The following CHST8 variants were observed in gnomAD, a reference collection of about 807,000 sequenced individuals.
The protein encoded by CHST8 is GALNAC-4-ST1.
Under a neutral mutation model 15.0 loss-of-function variants are expected in CHST8, and 10 were observed. That is an observed-to-expected ratio of 0.67 (90% confidence interval 0.41 to 1.13). The LOEUF (loss-of-function observed/expected upper bound fraction) is 1.13, where lower values mean the gene tolerates loss of function less well. Among genes scored for constraint, CHST8 ranks in the 50% most tolerant of loss-of-function variants. The pLI, the probability that CHST8 is intolerant of heterozygous loss-of-function variation, is 0.00. For missense variants in CHST8, 634 were observed against 608.2 expected, an observed-to-expected ratio of 1.04 and a Z score of -0.45; for synonymous variants, 259 against 256.6, an observed-to-expected ratio of 1.01 and a Z score of -0.09.
rs746197515 is a variant in CHST8 at position 33,627,114 on chromosome 19, G to A, written c.-164+4818G>A. Among the ~76,000 whole-genome samples, 302 of 92,676 alleles carry A rather than the reference G, an allele frequency of 3.3e-3. 2 individuals are homozygous for A. The highest frequency in any genetic ancestry group is 0.011 in the Middle Eastern group (1 of 94). 60.8% of individuals were successfully genotyped at this position (92,676 alleles called of 152,430 possible). A position where few individuals can be genotyped will look rare whatever the true frequency, so the allele number is the denominator to read the frequency against. Reference sequence around the variant, plus strand: ...CTCTTTTTTTGGGGGGGGGGCGGGTGGGGTGACGGAGTCTCGCTCTGTTAC... The same window carrying A: ...CTCTTTTTTTGGGGGGGGGGCGGGTAGGGTGACGGAGTCTCGCTCTGTTAC... On this transcript the variant is annotated intron_variant, in intron 1 of 4. Transcript: ENST00000650847.
At chr19:33,758,037 G>A (rs150859804) in intron 3 of CHST8, among the ~76,000 whole-genome samples, 3,130 of 151,988 alleles carry the variant, frequency 0.021, 54 homozygotes, top group East Asian at 0.028. Flanking sequence ...GGGAAGAGCC[G>A]GACTGACGGC....
At chr19:33,757,816 C>G (rs910905710) in intron 3 of CHST8, among the ~76,000 whole-genome samples, 1 of 152,028 alleles carries the variant, frequency 6.6e-6, no homozygotes, top group South Asian at 2.1e-4. Context: ...CCCAGCCTCC[C>G]GAGTAGCTGG....
chr19:33,773,016 G>T lies in CHST8; in HGVS notation c.1228G>T (p.Asp410Tyr). 1 of 1,612,026 alleles carries T rather than the reference G, an allele frequency of 6.2e-7. No individual in the cohort carries two copies. Among genetic ancestry groups the T allele is most frequent in the Non-Finnish European group, 8.5e-7 (1 of 1,179,972 alleles). ...RQRTYDFYYMDYLMFNYSKPF... is the reference protein window; with the variant it reads ...RQRTYDFYYMYYLMFNYSKPF... ...GCGCACCTACGACTTCTACTACATGGATTACCTGATGTTCAACTATTCCAA... is the reference window on the plus strand; with the variant it reads ...GCGCACCTACGACTTCTACTACATGTATTACCTGATGTTCAACTATTCCAA... The change falls in exon 5 of 5, where the codon GAT (aspartate) becomes TAT (tyrosine). Residue 410 changes from aspartate (D) to tyrosine (Y), a missense_variant. Asp to Tyr is a radical substitution (Grantham distance 160, BLOSUM62 -3). Coordinates refer to ENST00000650847, the MANE Select transcript of CHST8 (RefSeq NM_001127895.2).
At chr19:33,739,270 C>T (rs1974142142) in intron 3 of CHST8, among the ~76,000 whole-genome samples, 1 of 152,132 alleles carries the variant, frequency 6.6e-6, no homozygotes, top group African/African-American at 2.4e-5. Context: ...CTCCCCCCTC[C>T]TCCACAAGAT....
intron 3 of CHST8, among the ~76,000 whole-genome samples, chr19:33,721,717 G>A (rs1973794922): frequency 6.6e-6 from 1 of 151,992 alleles, no homozygotes; most frequent in Non-Finnish European, 1.5e-5. Flanking sequence ...TGGAGGGAAG[G>A]GTGGATGGAT....
intron 3 of CHST8, among the ~76,000 whole-genome samples, chr19:33,712,683 G>A (rs78774664): frequency 0.029 from 4,389 of 152,230 alleles, 148 homozygotes; most frequent in African/African-American, 0.081. Flanking sequence ...GCCTTGCACT[G>A]CAGCGGCAGA....
intron 3 of CHST8, among the ~76,000 whole-genome samples, chr19:33,713,750 A>G (rs111894680): frequency 0.022 from 3,279 of 152,160 alleles, 65 homozygotes; most frequent in African/African-American, 0.055. Flanking sequence ...TAGTAGCGAC[A>G]GGGTTTCACC....
intron 1 of CHST8, among the ~76,000 whole-genome samples, chr19:33,655,716 T>C (rs1485785800): frequency 1.3e-5 from 2 of 152,206 alleles, no homozygotes; most frequent in Non-Finnish European, 2.9e-5. Flanking sequence ...TTCTTATATT[T>C]TTATAAATTT....
At chr19:33,697,105 A>G (rs1161748191) in intron 3 of CHST8, among the ~76,000 whole-genome samples, 2 of 152,006 alleles carry the variant, frequency 1.3e-5, no homozygotes, top group South Asian at 4.2e-4. Context: ...AGCCTCCCAA[A>G]GTGCTGGGAT....
chr19:33,700,792 G>A (rs1973317480), intron 3 of CHST8, among the ~76,000 whole-genome samples: 1 of 152,164 alleles, frequency 6.6e-6, no homozygotes, highest in South Asian at 2.1e-4. Flanking sequence ...TTGCTACTTT[G>A]CACCCAGCAG....
intron 1 of CHST8, among the ~76,000 whole-genome samples, chr19:33,647,940 A>T (rs1046852345): frequency 3.4e-5 from 5 of 147,194 alleles, no homozygotes; most frequent in African/African-American, 9.9e-5. Flanking sequence ...GGGGGTTTTT[A>T]TTTTTTTTTT....
intron 3 of CHST8, among the ~76,000 whole-genome samples, chr19:33,702,788 T>C (rs939573905): frequency 2.0e-5 from 3 of 152,212 alleles, no homozygotes; most frequent in African/African-American, 7.2e-5. Context: ...CCGTTCCCAC[T>C]CTGCCTGGCC....
chr19:33,696,796 A>C (rs1973225572), intron 3 of CHST8, among the ~76,000 whole-genome samples: 1 of 151,636 alleles, frequency 6.6e-6, no homozygotes, highest in Admixed American at 6.6e-5. Context: ...AGCAGTGAAA[A>C]GCGTTCCCTT....
intron 2 of CHST8, among the ~76,000 whole-genome samples, chr19:33,676,644 G>A (rs766461915): frequency 1.3e-5 from 2 of 152,166 alleles, no homozygotes; most frequent in Non-Finnish European, 2.9e-5. Flanking sequence ...AGGAGGCTGA[G>A]GCGGAAGGAT....
intron 1 of CHST8, among the ~76,000 whole-genome samples, chr19:33,628,638 G>A (rs1972087438): frequency 6.6e-6 from 1 of 152,202 alleles, no homozygotes; most frequent in South Asian, 2.1e-4. Context: ...GGTTGAGCTA[G>A]TGCACAAAGC....
chr19:33,693,055 G>T (rs2145263300), intron 3 of CHST8, among the ~76,000 whole-genome samples: 1 of 146,446 alleles, frequency 6.8e-6, no homozygotes, highest in African/African-American at 2.5e-5. Context: ...TGCCCAGGCT[G>T]GAGTGCAATG....
At chr19:33,682,193 T>TG (rs886554308) in intron 2 of CHST8, among the ~76,000 whole-genome samples, 2 of 143,606 alleles carry the variant, frequency 1.4e-5, no homozygotes, top group Admixed American at 6.9e-5. Context: ...TGTTGTTTTT[T>TG]TTTTTTTTTT....
intron 3 of CHST8, among the ~76,000 whole-genome samples, chr19:33,691,744 A>G (rs1286696298): frequency 2.0e-5 from 3 of 152,202 alleles, no homozygotes; most frequent in Non-Finnish European, 4.4e-5. Context: ...GCCCTTGACA[A>G]TTCTCCCTGT....
At chr19:33,633,590 G>T (rs1170512584) in intron 1 of CHST8, among the ~76,000 whole-genome samples, 28 of 150,292 alleles carry the variant, frequency 1.9e-4, no homozygotes, top group Non-Finnish European at 5.9e-5. Context: ...AGATGGGGGG[G>T]TCTCACTTTG....
Sources: gnomAD v4.1 joint callset for allele counts (sites outside exome capture counted in the v4.1 genomes callset) on GRCh38, gnomAD v4.1.1 for gene constraint, MANE v1.5 for transcripts, NCBI Gene and HGNC (gene_info 2026-07-23, HGNC 2026-07-21) for gene names.